Variants in PTPRG observed in about 807,000 individuals in gnomAD.
PTPRG encodes receptor-type tyrosine-protein phosphatase gamma.
PTPRG carries 102 observed loss-of-function variants against 165.3 expected under a neutral mutation model. The observed-to-expected ratio is 0.62, with a 90% CI of 0.53 to 0.73. The LOEUF is 0.73. Among genes scored for constraint, PTPRG ranks in the 30% least tolerant of loss-of-function variants. The pLI is 0.00. For missense variants in PTPRG, 1,866 were observed against 1,861.4 expected, an observed-to-expected ratio of 1.00 and a Z score of -0.05; for synonymous variants, 675 against 669.5, an observed-to-expected ratio of 1.01 and a Z score of -0.13.
chr3:61,583,683 G>T (rs185557179), intron 1 of PTPRG, among the ~76,000 whole-genome samples: 1 of 151,740 alleles, frequency 6.6e-6, no homozygotes, highest in Non-Finnish European at 1.5e-5. Flanking sequence ...AAAAACTCAG[G>T]CTGGGCTCGA....
At position 61,763,425 on chromosome 3, in the gene PTPRG, A is replaced by G. The variant is rs2033916968; in HGVS notation, c.190+14443A>G. Among the ~76,000 whole-genome samples the G allele has an allele frequency of 2.6e-5, 4 of 151,868 alleles. No individual in the cohort carries two copies. In the South Asian group the frequency reaches 6.3e-4, roughly 24 times the overall value. ...GCTAATTTTTGTATTTTTAGTAGAG[A>G]CGGGTTTCACTGTCTGCCACTACAG... On this transcript the variant is annotated intron_variant, in intron 2 of 29. Coordinates refer to ENST00000474889, the MANE Select transcript of PTPRG (RefSeq NM_002841.4).
At chr3:61,951,660 G>A (rs1399613583) in intron 2 of PTPRG, among the ~76,000 whole-genome samples, 1 of 152,288 alleles carries the variant, frequency 6.6e-6, no homozygotes, top group African/African-American at 2.4e-5. Context: ...AGTCTACACA[G>A]AGTGTTTTTT....
chr3:61,738,293 TATATATATATATATATATAC>T (rs1559583271), intron 1 of PTPRG, among the ~76,000 whole-genome samples: 53 of 70,840 alleles, frequency 7.5e-4, no homozygotes, highest in South Asian at 3.4e-3. Flanking sequence ...TATATATATA[TATATATATATATATATATAC>T]ATATATATAT....
intron 2 of PTPRG, among the ~76,000 whole-genome samples, chr3:61,844,886 A>G (rs1188832341): frequency 6.6e-6 from 1 of 152,218 alleles, no homozygotes; most frequent in Non-Finnish European, 1.5e-5. Context: ...TTGAATGGTT[A>G]GATAGTAATA....
intron 4 of PTPRG, among the ~76,000 whole-genome samples, chr3:62,051,263 C>T (rs1192310040): frequency 6.6e-6 from 1 of 152,096 alleles, no homozygotes; most frequent in South Asian, 2.1e-4. Context: ...TTGGATTGCT[C>T]TGGTTACTAA....
intron 12 of PTPRG, among the ~76,000 whole-genome samples, chr3:62,211,578 A>G (rs1700359649): frequency 6.6e-6 from 1 of 152,166 alleles, no homozygotes; most frequent in South Asian, 2.1e-4. Flanking sequence ...AATGAGTGGT[A>G]TGGCTCAGAA....
chr3:62,071,851 T>C (rs1311643283), intron 4 of PTPRG, among the ~76,000 whole-genome samples: 3 of 152,234 alleles, frequency 2.0e-5, no homozygotes, highest in Non-Finnish European at 4.4e-5. Context: ...ATCGTACGGA[T>C]ACCTATCTCA....
intron 5 of PTPRG, among the ~76,000 whole-genome samples, chr3:62,082,503 A>C (rs1701615547): frequency 6.6e-6 from 1 of 152,230 alleles, no homozygotes; most frequent in Non-Finnish European, 1.5e-5. Flanking sequence ...AAGGTTTTAC[A>C]CAAAATGTCT....
At chr3:61,791,807 A>G (rs1449443536) in intron 2 of PTPRG, among the ~76,000 whole-genome samples, 1 of 152,194 alleles carries the variant, frequency 6.6e-6, no homozygotes, top group Non-Finnish European at 1.5e-5. Context: ...TAAACTTATA[A>G]TATTTATTCA....
chr3:61,849,618 G>C (rs1268509650), intron 2 of PTPRG, among the ~76,000 whole-genome samples: 2 of 152,188 alleles, frequency 1.3e-5, no homozygotes, highest in African/African-American at 2.4e-5. Context: ...TGCAGTGTGA[G>C]GGAAGCCCAC....
intron 1 of PTPRG, among the ~76,000 whole-genome samples, chr3:61,574,437 C>T (rs189448888): frequency 4.1e-4 from 62 of 152,310 alleles, no homozygotes; most frequent in African/African-American, 1.4e-3. Context: ...AATGCCTGCC[C>T]TGTTTTATCC....
intron 1 of PTPRG, among the ~76,000 whole-genome samples, chr3:61,727,409 G>T (rs2032313357): frequency 1.3e-5 from 2 of 152,116 alleles, no homozygotes; most frequent in South Asian, 4.1e-4. Context: ...GCCCAGCTCA[G>T]CCTGGGATTT....
Position 61,709,945 on chromosome 3 carries a change from C to T in PTPRG, c.86-38933C>T, listed in dbSNP as rs535374619. Among the ~76,000 whole-genome samples the T allele has an allele frequency of 1.2e-4, 19 of 152,194 alleles. No homozygotes were observed. The South Asian group carries it at 3.3e-3, about 27-fold the overall frequency. ...GTCTGGGTTGGAGCCTGAGAATTGGCGTTTCTAGGTGCTGCTGATGCTGCT... is the reference window on the plus strand; with the variant it reads ...GTCTGGGTTGGAGCCTGAGAATTGGTGTTTCTAGGTGCTGCTGATGCTGCT... On this transcript the variant is annotated intron_variant, in intron 1 of 29. Transcript: ENST00000474889.
intron 4 of PTPRG, among the ~76,000 whole-genome samples, chr3:62,067,940 G>A (rs115301416): frequency 1.1e-3 from 175 of 152,254 alleles, no homozygotes; most frequent in Middle Eastern, 3.4e-3. Flanking sequence ...ACACTGCTCT[G>A]GAAGCTTTGT....
chr3:62,243,709 G>A lies in PTPRG; in HGVS notation c.2376-98G>A. The A allele has an allele frequency of 3.9e-6, 3 of 763,680 alleles. No homozygotes were observed. In the South Asian group the frequency reaches 6.1e-5, roughly 16 times the overall value. The allele number at this position is 763,680 out of a possible 1,614,324, so 47.3% of individuals were successfully genotyped here. ...GAGTTTACCCTCAGTGCTGTGTGATGTTTAAAGCTGGGAAGATCTATAAAA... is the reference window on the plus strand; with the variant it reads ...GAGTTTACCCTCAGTGCTGTGTGATATTTAAAGCTGGGAAGATCTATAAAA... On this transcript the variant is annotated intron_variant, in intron 14 of 29. Transcript: ENST00000474889.
intron 1 of PTPRG, among the ~76,000 whole-genome samples, chr3:61,626,681 G>A (rs975089288): frequency 6.6e-6 from 1 of 152,114 alleles, no homozygotes; most frequent in African/African-American, 2.4e-5. Context: ...CCTGCTGCTG[G>A]GTGCCAAAGT....
chr3:62,070,440 GC>G (rs749322514), intron 4 of PTPRG, among the ~76,000 whole-genome samples: 51 of 152,168 alleles, frequency 3.4e-4, no homozygotes, highest in Non-Finnish European at 6.5e-4. Context: ...CTTGCTTCAA[GC>G]CACTTAGAGC....
chr3:61,855,457 G>A (rs1156859684), intron 2 of PTPRG, among the ~76,000 whole-genome samples: 3 of 152,056 alleles, frequency 2.0e-5, no homozygotes, highest in African/African-American at 4.8e-5. Flanking sequence ...GGTTTTCAAA[G>A]TGTGTTCTGG....
At chr3:61,925,410 C>T (rs961682826) in intron 2 of PTPRG, among the ~76,000 whole-genome samples, 1 of 152,176 alleles carries the variant, frequency 6.6e-6, no homozygotes, top group Non-Finnish European at 1.5e-5. Context: ...TGAAAAACAA[C>T]TTCTTCATCA....
Sources: gnomAD v4.1 joint callset for allele counts (sites outside exome capture counted in the v4.1 genomes callset) on GRCh38, gnomAD v4.1.1 for gene constraint, MANE v1.5 for transcripts, NCBI Gene and HGNC (gene_info 2026-07-23, HGNC 2026-07-21) for gene names.